The following HFM1 variants were observed in gnomAD, a reference collection of about 807,000 sequenced individuals.
HFM1 encodes the protein helicase for meiosis 1, also known as probable ATP-dependent DNA helicase HFM1.
HFM1 carries 169 observed loss-of-function variants against 192.1 expected under a neutral mutation model. The observed-to-expected ratio is 0.88, with a 90% CI of 0.78 to 1.00. The LOEUF (loss-of-function observed/expected upper bound fraction) is 1.00, where lower values mean the gene tolerates loss of function less well. Ranked by LOEUF, HFM1 falls within the 50% of genes least tolerant of loss-of-function variation. The probability of loss-of-function intolerance (pLI) is 0.00; values close to 1 mark genes in which losing one functional copy is unlikely to be tolerated. For missense variants in HFM1, 1,661 were observed against 1,668.0 expected, an observed-to-expected ratio of 1.00 and a Z score of 0.07; for synonymous variants, 525 against 537.8, an observed-to-expected ratio of 0.98 and a Z score of 0.33.
chr1:91,303,141 A>G (rs1649094261), intron 30 of HFM1, among the ~76,000 whole-genome samples: 2 of 152,134 alleles, frequency 1.3e-5, no homozygotes, highest in African/African-American at 4.8e-5. Context: ...CATACATACA[A>G]AAAACCCACC....
At chr1:91,336,479 G>A (rs1404043202) in intron 20 of HFM1, among the ~76,000 whole-genome samples, 2 of 151,862 alleles carry the variant, frequency 1.3e-5, no homozygotes, top group Admixed American at 1.3e-4. Context: ...CCTTCAAAGA[G>A]GTAAGATCTG....
intron 20 of HFM1, among the ~76,000 whole-genome samples, chr1:91,335,582 T>C (rs573927133): frequency 6.6e-6 from 1 of 152,330 alleles, no homozygotes; most frequent in South Asian, 2.1e-4. Context: ...TTGCTATTAA[T>C]ATAGCTACTG....
At chr1:91,321,488 C>G (rs557142699) in intron 23 of HFM1, among the ~76,000 whole-genome samples, 4 of 151,762 alleles carry the variant, frequency 2.6e-5, no homozygotes, top group African/African-American at 9.7e-5. Flanking sequence ...AGGGAAGAAA[C>G]CAGAAACTTG....
At chr1:91,314,371 G>A (rs1214156201) in intron 28 of HFM1, among the ~76,000 whole-genome samples, 1 of 152,026 alleles carries the variant, frequency 6.6e-6, no homozygotes, top group African/African-American at 2.4e-5. Context: ...TTCCTGCCTC[G>A]GTCTCCCGAG....
In HFM1 at chr1:91,273,799, T is replaced by G; in HGVS notation, c.3685A>C (p.Ile1229Leu). The change falls in exon 34 of 39, where the codon ATA (isoleucine) becomes CTA (leucine). Residue 1229 changes from isoleucine (I) to leucine (L), a missense_variant. Transcript: ENST00000370425. Reference sequence around the variant, plus strand: ...TGCTCCATTATAGGCAATTCAGATATGTTTAAATATTCTGACCTTTATAAA... The same window carrying G: ...TGCTCCATTATAGGCAATTCAGATAGGTTTAAATATTCTGACCTTTATAAA... ...PSISRSEYLN[I>L]SELPIMEQWD... 1 of 1,567,036 alleles carries G rather than the reference T, an allele frequency of 6.4e-7. No individual in the cohort carries two copies. Among genetic ancestry groups the G allele is most frequent in the Non-Finnish European group, 8.8e-7 (1 of 1,140,684 alleles).
intron 11 of HFM1, among the ~76,000 whole-genome samples, chr1:91,376,606 A>C (rs1660938699): frequency 6.6e-6 from 1 of 151,940 alleles, no homozygotes; most frequent in South Asian, 2.1e-4. Flanking sequence ...TGTGAAAAAA[A>C]GGCAAATGAC....
intron 13 of HFM1, among the ~76,000 whole-genome samples, chr1:91,354,201 T>C (rs1391806897): frequency 6.6e-6 from 1 of 150,708 alleles, no homozygotes; most frequent in Non-Finnish European, 1.5e-5. Flanking sequence ...AAATCAAAAA[T>C]AGAGAGCTTC....
intron 20 of HFM1, among the ~76,000 whole-genome samples, chr1:91,334,954 A>T (rs1445916700): frequency 6.6e-6 from 1 of 151,902 alleles, no homozygotes; most frequent in African/African-American, 2.4e-5. Flanking sequence ...AAGTTACTGG[A>T]TTCGATAAGT....
At position 91,316,087 on chromosome 1, in the gene HFM1, C is replaced by G. The variant is rs11589490; in HGVS notation, c.2982+14G>C. The stretch of plus-strand genomic sequence containing the variant: ...AAAAGACAATAAAATATCTAAGAAA[C>G]AGAAAATATTTACCTGTTCCACTTT... On this transcript the variant is annotated intron_variant, in intron 27 of 38. Transcript: ENST00000370425. 356,522 of 1,524,798 alleles carry G rather than the reference C, an allele frequency of 0.23. 45,332 individuals carry two copies. Among genetic ancestry groups the G allele is most frequent in the Non-Finnish European group, 0.27 (295,294 of 1,107,258 alleles). The allele number at this position is 1,524,798 out of a possible 1,614,324, so 94.5% of individuals were successfully genotyped here.
chr1:91,360,401 T>C (rs141563794), intron 13 of HFM1, among the ~76,000 whole-genome samples: 1,882 of 152,208 alleles, frequency 0.012, 18 homozygotes, highest in Middle Eastern at 0.027. Flanking sequence ...CAATCCTAGT[T>C]TCTGACAAAA....
At chr1:91,404,427 C>G (rs544577308) in intron 1 of HFM1, among the ~76,000 whole-genome samples, 59 of 152,328 alleles carry the variant, frequency 3.9e-4, no homozygotes, top group Non-Finnish European at 6.0e-4. Flanking sequence ...GTACGTCCCC[C>G]CCAGCGCTCG....
intron 23 of HFM1, 150 bp downstream of exon 23, chr1:91,322,800 T>A (rs1420520060): frequency 1.3e-5 from 6 of 459,128 alleles, no homozygotes; most frequent in Non-Finnish European, 1.5e-5. Context: ...TCACAAATCA[T>A]CAATTTTAAA....
chr1:91,388,010 G>C (rs1662465601), intron 4 of HFM1, among the ~76,000 whole-genome samples: 1 of 151,454 alleles, frequency 6.6e-6, no homozygotes, highest in South Asian at 2.1e-4. Context: ...CTAAACAACA[G>C]GGTTCTGAGA....
At chr1:91,263,687 A>G (rs1300992676) in intron 36 of HFM1, among the ~76,000 whole-genome samples, 4 of 152,154 alleles carry the variant, frequency 2.6e-5, no homozygotes. Flanking sequence ...CAAGAGCTTG[A>G]GGCTGCAGTA....
intron 30 of HFM1, among the ~76,000 whole-genome samples, chr1:91,288,451 A>G (rs1668293637): frequency 6.7e-6 from 1 of 149,816 alleles, no homozygotes; most frequent in African/African-American, 2.5e-5. Flanking sequence ...GGGTCATAGG[A>G]CAATAGTGGA....
In HFM1 at chr1:91,313,968, C is replaced by T. The variant is rs916263788; in HGVS notation, c.3233G>A (p.Ser1078Asn). Residue 1078 changes from serine to asparagine, a missense_variant, in exon 29 of 39, where the codon AGT (serine) becomes AAT (asparagine). Coordinates refer to ENST00000370425, the MANE Select transcript of HFM1 (RefSeq NM_001017975.6). ...KSEDLSINLI[S>N]SEFVGLDIQQ... is the part of the protein sequence containing the mutation. The stretch of plus-strand genomic sequence containing the variant: ...TTCAATTAACTTACCAAATTCAGAA[C>T]TTATTAGATTTATGCTAAGATCTTC... The T allele has an allele frequency of 2.5e-6, 4 of 1,573,384 alleles. No homozygotes were observed. The highest frequency in any genetic ancestry group is 3.5e-6 in the Non-Finnish European group (4 of 1,148,226).
chr1:91,348,380 T>C (rs920165688), intron 18 of HFM1, among the ~76,000 whole-genome samples: 24 of 152,310 alleles, frequency 1.6e-4, no homozygotes, highest in African/African-American at 5.1e-4. Flanking sequence ...CTGGTAGATA[T>C]ATGAGCTACT....
intron 30 of HFM1, among the ~76,000 whole-genome samples, chr1:91,290,762 C>G (rs1161631197): frequency 6.6e-6 from 1 of 151,952 alleles, no homozygotes; most frequent in Non-Finnish European, 1.5e-5. Flanking sequence ...TTTTCAGCAC[C>G]ACACCACACC....
intron 7 of HFM1, 84 bp from the exon 8 acceptor site, chr1:91,380,320 A>T: frequency 2.4e-6 from 2 of 850,312 alleles, no homozygotes; most frequent in Non-Finnish European, 3.4e-6. Context: ...AGTCTTAGTA[A>T]GAATCTAAGG....
Sources: allele counts gnomAD v4.1 joint callset (sites outside exome capture counted in the v4.1 genomes callset), GRCh38; gene constraint gnomAD v4.1.1; transcripts MANE v1.5; gene names NCBI Gene and HGNC (gene_info 2026-07-23, HGNC 2026-07-21).